NLRP5: variants seen among roughly 807,000 people sequenced by gnomAD.
NLRP5 encodes the protein NLR family pyrin domain containing 5.
In NLRP5, 93 loss-of-function variants were observed where a neutral mutation model predicts 113.1. That is an observed-to-expected ratio of 0.82 (90% CI 0.70 to 0.98). The LOEUF is 0.98. Among genes scored for constraint, NLRP5 ranks in the 50% least tolerant of loss-of-function variants. NLRP5 has a pLI of 0.00. For synonymous variants in NLRP5, 751 were observed against 600.7 expected, an observed-to-expected ratio of 1.25 and a Z score of -3.66; for missense variants, 1,808 against 1,514.3, an observed-to-expected ratio of 1.19 and a Z score of -3.22.
intron 7 of NLRP5, among the ~76,000 whole-genome samples, chr19:56,029,078 A>C (rs1346306867): frequency 6.6e-6 from 1 of 151,764 alleles, no homozygotes; most frequent in Non-Finnish European, 1.5e-5. Context: ...GTGACCGCTC[A>C]GGTTTGTGGA....
At chr19:56,049,269 T>C (rs1983843769) in intron 11 of NLRP5, among the ~76,000 whole-genome samples, 1 of 152,042 alleles carries the variant, frequency 6.6e-6, no homozygotes, top group Non-Finnish European at 1.5e-5. Context: ...AACCTTTGCC[T>C]CCTGGGTTCA....
upstream of NLRP5, among the ~76,000 whole-genome samples, chr19:55,996,037 T>G (rs1981314684): frequency 6.7e-6 from 1 of 149,796 alleles, no homozygotes; most frequent in Non-Finnish European, 1.5e-5. Flanking sequence ...GTTCTCTGTC[T>G]TTTGGTGGGG....
intron 11 of NLRP5, 142 bp from the exon 12 acceptor site, chr19:56,050,276 C>CAA (rs5828668): frequency 0.084 from 44,064 of 526,918 alleles, 34 homozygotes; most frequent in South Asian, 0.11. Flanking sequence ...CAAGACTCCT[C>CAA]AAAAAAAAAA....
At chr19:56,043,927 C>T (rs112183520) in intron 11 of NLRP5, among the ~76,000 whole-genome samples, 17,157 of 151,684 alleles carry the variant, frequency 0.11, 1,416 homozygotes, top group African/African-American at 0.24. Flanking sequence ...CAATTAGGTC[C>T]CAGCTATTTA....
At chr19:56,009,184 C>CA (rs1030226780) in intron 3 of NLRP5, among the ~76,000 whole-genome samples, 30 of 151,220 alleles carry the variant, frequency 2.0e-4, no homozygotes, top group South Asian at 8.4e-4. Context: ...ACTAAAAATA[C>CA]AAAAAAATAG....
At chr19:56,048,879 C>T (rs1437028900) in intron 11 of NLRP5, among the ~76,000 whole-genome samples, 1 of 150,966 alleles carries the variant, frequency 6.6e-6, no homozygotes, top group Non-Finnish European at 1.5e-5. Context: ...TTAACATAAT[C>T]CCAGACTTCT....
At chr19:56,040,648 G>C (rs1317590159) in intron 10 of NLRP5, among the ~76,000 whole-genome samples, 11 of 152,162 alleles carry the variant, frequency 7.2e-5, no homozygotes, top group African/African-American at 2.7e-4. Context: ...AGCCATGTGG[G>C]GACTGGAAAT....
In NLRP5 at chr19:56,061,751, A is replaced by C; in HGVS notation, c.*223A>C. ...AGTCATAGGACTCAGTATCTGTGAA[A>C]TGTCCGTCATATCTCAGAGCATATA... On this transcript the variant is annotated 3_prime_UTR_variant, in exon 15 of 15. Coordinates refer to ENST00000390649, the MANE Select transcript of NLRP5 (RefSeq NM_153447.4). 1.9e-6 allele frequency: 1 copy of C among 520,948 alleles called. No individual in the cohort carries two copies. Among genetic ancestry groups the C allele is most frequent in the Non-Finnish European group, 3.4e-6 (1 of 293,618 alleles). The allele number at this position is 520,948 out of a possible 1,614,324, so 32.3% of individuals were successfully genotyped here.
chr19:56,005,246 CATAT>C (rs370393839), intron 2 of NLRP5, among the ~76,000 whole-genome samples: 6 of 141,382 alleles, frequency 4.2e-5, no homozygotes, highest in South Asian at 2.2e-4. Flanking sequence ...TATATACACA[CATAT>C]ATATTTATAT....
At chr19:56,045,303 C>G (rs1983681773) in intron 11 of NLRP5, among the ~76,000 whole-genome samples, 1 of 152,176 alleles carries the variant, frequency 6.6e-6, no homozygotes, top group Non-Finnish European at 1.5e-5. Flanking sequence ...AGTGAAGAGA[C>G]AACCTGAACA....
intron 11 of NLRP5, among the ~76,000 whole-genome samples, chr19:56,048,160 T>C (rs565834984): frequency 2.6e-5 from 4 of 152,332 alleles, no homozygotes; most frequent in Admixed American, 6.5e-5. Flanking sequence ...TGGTGAGTTT[T>C]TTATTCTGCA....
In NLRP5 at chr19:56,020,416, G is replaced by A. The variant is rs762196512; in HGVS notation, c.664G>A (p.Glu222Lys). ...GGAACAAGAAGGTGCCACAGCAGCA[G>A]AGACAGAAGAACAAGGTGAGGAAAA... is the stretch of plus-strand genomic sequence containing the variant. Residue 222 changes from glutamate to lysine, a missense_variant, in exon 6 of 15, where the codon GAG becomes AAG. By Grantham distance (56) the Glu-to-Lys change is moderately conservative. Coordinates refer to ENST00000390649, the MANE Select transcript of NLRP5 (RefSeq NM_153447.4). The A allele has an allele frequency of 6.8e-5, 110 of 1,613,474 alleles. No individual in the cohort carries two copies. The highest frequency in any genetic ancestry group is 9.2e-5 in the Non-Finnish European group (109 of 1,179,820).
In NLRP5 at chr19:56,033,717, T is replaced by C. The variant is rs772630758; in HGVS notation, c.2615+8T>C. ...TTTGTTGGAGTCTTTGAGGTACGTC[T>C]CTGGTAGAGCTTTTGCCTTGTTTTT... On this transcript the variant is annotated splice_region_variant and intron_variant, in intron 9 of 14. Transcript: ENST00000390649. 46 of 1,601,778 alleles carry C rather than the reference T, an allele frequency of 2.9e-5. No homozygotes were observed. Among genetic ancestry groups the C allele is most frequent in the Non-Finnish European group, 2.0e-5 (24 of 1,174,276 alleles).
chr19:56,049,219 G>A (rs1983842065), intron 11 of NLRP5, among the ~76,000 whole-genome samples: 3 of 148,498 alleles, frequency 2.0e-5, no homozygotes, highest in African/African-American at 5.0e-5. Context: ...TACTCTTGTT[G>A]CCCATGCTGG....
chr19:56,029,898 T>C lies in NLRP5; in HGVS notation c.2276+1389T>C, dbSNP rs11671022. 9.1e-3 allele frequency among the ~76,000 whole-genome samples: 1,356 copies of C among 149,278 alleles called. 13 individuals are homozygous for C. The highest frequency in any genetic ancestry group is 0.029 in the Middle Eastern group (8 of 276). ...AGTGAAACCCCATCTCTACTAAAAA[T>C]ACAAAAATTAGCCAGGCATGGTGGC... On this transcript the variant is annotated intron_variant, in intron 7 of 14. Transcript: ENST00000390649.
At chr19:56,015,446 T>G (rs971414637) in intron 3 of NLRP5, among the ~76,000 whole-genome samples, 2 of 152,336 alleles carry the variant, frequency 1.3e-5, no homozygotes, top group African/African-American at 4.8e-5. Context: ...TTCGCCTGCC[T>G]CGGCCTCCCA....
At chr19:56,020,047 A>G (rs554970396) in intron 5 of NLRP5, among the ~76,000 whole-genome samples, 67 of 151,932 alleles carry the variant, frequency 4.4e-4, no homozygotes, top group Non-Finnish European at 7.6e-4. Flanking sequence ...ATATTGGCCA[A>G]GCTGGTCTCG....
Position 56,024,387 on chromosome 19 carries a change from CATATATACATATATGTACATATATGT to C in NLRP5, c.680-2519_680-2494del, listed in dbSNP as rs1982735329. 2.6e-5 allele frequency among the ~76,000 whole-genome samples: 3 copies of C among 116,008 alleles called. No homozygotes were observed. In the Admixed American group the frequency reaches 2.7e-4, roughly 10 times the overall value. The allele number at this position is 116,008 out of a possible 152,430, so 76.1% of individuals were successfully genotyped here. A position where few individuals can be genotyped will look rare whatever the true frequency, so the allele number is the denominator to read the frequency against. On this transcript the variant is annotated intron_variant, in intron 6 of 14. Coordinates refer to ENST00000390649, the MANE Select transcript of NLRP5 (RefSeq NM_153447.4). ...AATATATATATATGTGTATATATAA[CATATATACATATATGTACATATATGT>C]ATATATGTTATATATACACATATAC...
At chr19:56,000,388 A>G (rs1206050152) in intron 1 of NLRP5, among the ~76,000 whole-genome samples, 1 of 152,010 alleles carries the variant, frequency 6.6e-6, no homozygotes, top group Non-Finnish European at 1.5e-5. Context: ...TTTTTAAGAC[A>G]GAGTCTCATT....
Sources: gnomAD v4.1 joint callset for allele counts (sites outside exome capture counted in the v4.1 genomes callset) on GRCh38, gnomAD v4.1.1 for gene constraint, MANE v1.5 for transcripts, NCBI Gene and HGNC (gene_info 2026-07-23, HGNC 2026-07-21) for gene names.